Variants in TRMT9B observed in about 807,000 individuals in gnomAD.
TRMT9B encodes probable tRNA methyltransferase 9B.
Under a neutral mutation model 11.5 loss-of-function variants are expected in TRMT9B, and 16 were observed. The ratio of observed to expected loss-of-function variants is 1.39; its 90% CI spans 0.94 to 2.11. The LOEUF (loss-of-function observed/expected upper bound fraction) is 2.11. Ranked by LOEUF, TRMT9B falls within the 30% of genes most tolerant of loss-of-function variation. TRMT9B has a pLI of 0.00. For missense variants in TRMT9B, 941 were observed against 553.8 expected, an observed-to-expected ratio of 1.70 and a Z score of -7.02; for synonymous variants, 274 against 192.4, an observed-to-expected ratio of 1.42 and a Z score of -3.51.
intron 2 of TRMT9B, among the ~76,000 whole-genome samples, chr8:13,005,813 G>C (rs1183720000): frequency 2.0e-5 from 3 of 152,198 alleles, no homozygotes; most frequent in African/African-American, 7.2e-5. Context: ...CTATTGGGTT[G>C]AAATGGTGAG....
chr8:12,990,717 C>G, intron 1 of TRMT9B, 117 bp from the exon 2 acceptor site: 1 of 399,592 alleles, frequency 2.5e-6, no homozygotes, highest in Non-Finnish European at 4.1e-6. Flanking sequence ...ACAATTCTTT[C>G]TAATCCCTAC....
At chr8:13,009,693 C>T (rs1811225880) in intron 3 of TRMT9B, among the ~76,000 whole-genome samples, 1 of 152,044 alleles carries the variant, frequency 6.6e-6, no homozygotes, top group Non-Finnish European at 1.5e-5. Flanking sequence ...TTTTGTTATA[C>T]TTTTAATATA....
chr8:12,979,936 C>T (rs946060246), intron 1 of TRMT9B, among the ~76,000 whole-genome samples: 3 of 152,128 alleles, frequency 2.0e-5, no homozygotes, highest in African/African-American at 7.2e-5. Context: ...AGGACAAGGG[C>T]CCCTTTTAGT....
At chr8:12,973,298 C>T (rs571872938) in intron 1 of TRMT9B, among the ~76,000 whole-genome samples, 3,738 of 152,134 alleles carry the variant, frequency 0.025, 166 homozygotes, top group African/African-American at 0.086. Flanking sequence ...CTTCCCTTGC[C>T]AGCACATGCA....
chr8:13,011,579 G>T, intron 3 of TRMT9B: 1 of 935,822 alleles, frequency 1.1e-6, no homozygotes, highest in Non-Finnish European at 1.3e-6. Context: ...ATAATACTAA[G>T]TATTAGACTG....
At chr8:12,979,161 CGTT>C (rs1804949537) in intron 1 of TRMT9B, among the ~76,000 whole-genome samples, 1 of 152,148 alleles carries the variant, frequency 6.6e-6, no homozygotes, top group African/African-American at 2.4e-5. Flanking sequence ...AGGAAGTAAG[CGTT>C]GTCCTTTTCA....
At chr8:12,951,465 G>C (rs1177011848) in intron 1 of TRMT9B, 1 of 152,336 alleles carries the variant, frequency 6.6e-6, no homozygotes, top group African/African-American at 2.4e-5. Flanking sequence ...GCCGAGAGAG[G>C]CAGGCAACAA....
At chr8:12,977,012 C>A (rs1188483898) in intron 1 of TRMT9B, among the ~76,000 whole-genome samples, 2 of 152,188 alleles carry the variant, frequency 1.3e-5, no homozygotes, top group Non-Finnish European at 2.9e-5. Context: ...AAAGAAACTT[C>A]CTTGGAGAGC....
At chr8:12,998,124 TTA>T (rs1808710374) in intron 2 of TRMT9B, among the ~76,000 whole-genome samples, 1 of 152,230 alleles carries the variant, frequency 6.6e-6, no homozygotes, top group Non-Finnish European at 1.5e-5. Context: ...TAAGAATTGT[TTA>T]TATTCTGGAT....
chr8:13,020,059 G>A (rs989949560), intron 4 of TRMT9B, among the ~76,000 whole-genome samples: 1 of 152,136 alleles, frequency 6.6e-6, no homozygotes, highest in African/African-American at 2.4e-5. Flanking sequence ...TGCCTCTGTG[G>A]AAGGTAAACT....
chr8:12,966,155 C>CA (rs1286045785), intron 1 of TRMT9B, among the ~76,000 whole-genome samples: 1 of 151,870 alleles, frequency 6.6e-6, no homozygotes, highest in African/African-American at 2.4e-5. Flanking sequence ...GTAAGACCCC[C>CA]CCCATCTCTA....
chr8:13,026,166 A>G lies in TRMT9B; in HGVS notation c.*4122A>G. ...ACCACCAGACAAGCAGCTGCAGTCT[A>G]AGAAAAACAAATTAGGGCAGGCCTC... On this transcript the variant is annotated 3_prime_UTR_variant, in exon 5 of 5. Coordinates refer to ENST00000524591, the MANE Select transcript of TRMT9B (RefSeq NM_020844.3). 6.0e-6 allele frequency: 1 copy of G among 167,234 alleles called. No individual in the cohort carries two copies. 10.4% of individuals were successfully genotyped at this position (167,234 alleles called of 1,614,324 possible). A position where few individuals can be genotyped will look rare whatever the true frequency, so the allele number is the denominator to read the frequency against.
At position 13,028,369 on chromosome 8, in the gene TRMT9B, A is replaced by T. The variant is rs907944157; in HGVS notation, c.*6325A>T. 5 of 167,022 alleles carry T rather than the reference A, an allele frequency of 3.0e-5. No individual in the cohort carries two copies. The Admixed American group carries it at 3.3e-4, about 11-fold the overall frequency. 10.3% of individuals were successfully genotyped at this position (167,022 alleles called of 1,614,324 possible). A position where few individuals can be genotyped will look rare whatever the true frequency, so the allele number is the denominator to read the frequency against. The stretch of plus-strand genomic sequence containing the variant: ...AAAGTTTACTCCAACCCAATTAATC[A>T]TTAATACATCCACAGGAAAAATACA... On this transcript the variant is annotated 3_prime_UTR_variant, in exon 5 of 5. Transcript: ENST00000524591.
At chr8:12,996,941 TTTTATTTTA>T (rs1808456556) in intron 2 of TRMT9B, among the ~76,000 whole-genome samples, 2 of 1,010 alleles carry the variant, frequency 2.0e-3, no homozygotes, top group Non-Finnish European at 0.013. Context: ...ACCTTCTTTA[TTTTATTTTA>T]TTTTATTTTA....
chr8:12,997,119 T>G (rs7841451), intron 2 of TRMT9B, among the ~76,000 whole-genome samples: 92,083 of 151,626 alleles, frequency 0.61, 29,218 homozygotes, highest in Middle Eastern at 0.73. Flanking sequence ...ATTTGTGGAA[T>G]GTATATCATT....
chr8:12,952,293 G>A (rs966420756), intron 1 of TRMT9B: 8 of 382,824 alleles, frequency 2.1e-5, no homozygotes, highest in African/African-American at 1.7e-4. Context: ...CGCCCGCAGG[G>A]AGGAGGGGGC....
At chr8:13,007,813 A>G (rs1810766019) in intron 3 of TRMT9B, 1 of 152,214 alleles carries the variant, frequency 6.6e-6, no homozygotes, top group African/African-American at 2.4e-5. Flanking sequence ...CACACCTTAC[A>G]TCAAAATAAA....
chr8:13,013,211 A>C (rs1056082687), intron 4 of TRMT9B, among the ~76,000 whole-genome samples: 2 of 152,216 alleles, frequency 1.3e-5, no homozygotes, highest in Non-Finnish European at 2.9e-5. Context: ...GATTTTTAGA[A>C]GTTATATTAC....
At chr8:13,018,153 G>A (rs1813117112) in intron 4 of TRMT9B, among the ~76,000 whole-genome samples, 1 of 147,720 alleles carries the variant, frequency 6.8e-6, no homozygotes, top group Non-Finnish European at 1.5e-5. Flanking sequence ...TGCAATCCCA[G>A]CACTTTGGGA....
Sources: allele counts gnomAD v4.1 joint callset (sites outside exome capture counted in the v4.1 genomes callset), GRCh38; gene constraint gnomAD v4.1.1; transcripts MANE v1.5; gene names NCBI Gene and HGNC (gene_info 2026-07-23, HGNC 2026-07-21).